Variants in AGO4 observed in about 807,000 individuals in gnomAD.
AGO4 encodes the protein argonaute RISC component 4.
A neutral mutation model predicts 104.7 loss-of-function variants in AGO4; 33 were observed. That is an observed-to-expected ratio of 0.32 (90% CI 0.24 to 0.42). The LOEUF (loss-of-function observed/expected upper bound fraction) is 0.42. Among genes scored for constraint, AGO4 ranks in the 10% least tolerant of loss-of-function variants. The pLI, the probability that AGO4 is intolerant of heterozygous loss-of-function variation, is 1.00. For missense variants in AGO4, 711 were observed against 1,083.4 expected (o/e 0.66, Z 4.83); for synonymous variants, 331 against 364.7 (o/e 0.91, Z 1.05).
intron 7 of AGO4, among the ~76,000 whole-genome samples, chr1:35,829,840 TAA>T (rs752406279): frequency 0.068 from 4,222 of 62,062 alleles, 111 homozygotes; most frequent in Middle Eastern, 0.11. Context: ...GACTACATCT[TAA>T]AAAAAAAAAA....
At position 35,808,095 on chromosome 1, in the gene AGO4, G is replaced by T; in HGVS notation, c.-322G>T. On this transcript the variant is annotated 5_prime_UTR_variant, in exon 1 of 18. Transcript: ENST00000373210. This position sits in a 1 kb window ranked among gnomAD's most constrained non-coding sequence, Gnocchi z 5.2. The stretch of plus-strand genomic sequence containing the variant: ...CGCGCACGCCCCCTCCGCCCGCCGG[G>T]ACCCTGGGTCCGCGCACCCCGCGCC... 1 of 149,384 alleles carries T rather than the reference G, an allele frequency of 6.7e-6. No homozygotes were observed. Among genetic ancestry groups the T allele is most frequent in the South Asian group, 1.8e-4 (1 of 5,514 alleles). The allele number at this position is 149,384 out of a possible 1,614,324, so 9.3% of individuals were successfully genotyped here.
chr1:35,842,073 T>C (rs1644460302), intron 15 of AGO4, among the ~76,000 whole-genome samples: 1 of 152,104 alleles, frequency 6.6e-6, no homozygotes. Flanking sequence ...GTGCTTTTGT[T>C]ATTTGTTACT....
chr1:35,825,471 C>A lies in AGO4; in HGVS notation c.465C>A (p.Ile155=). 6.2e-7 allele frequency: 1 copy of A among 1,614,112 alleles called. No homozygotes were observed. ...ACTCAGTACAAGCACTTGATGTTATCACAAGACACCTTCCCTCCATGAGGT... is the reference window on the plus strand; with the variant it reads ...ACTCAGTACAAGCACTTGATGTTATAACAAGACACCTTCCCTCCATGAGGT... The part of the protein sequence containing the change: ...PDDSVQALDV[I]TRHLPSMRYT... Residue 155 remains isoleucine, a synonymous_variant, in exon 4 of 18, where the codon ATC becomes ATA. Coordinates refer to ENST00000373210, the MANE Select transcript of AGO4 (RefSeq NM_017629.4).
intron 1 of AGO4, among the ~76,000 whole-genome samples, chr1:35,812,207 AAG>A (rs1443613484): frequency 6.7e-6 from 1 of 149,904 alleles, no homozygotes; most frequent in African/African-American, 2.5e-5. Context: ...AAAAAGAAAA[AAG>A]AAAAAAAAAA....
intron 13 of AGO4, 125 bp downstream of exon 13, chr1:35,836,118 A>G: frequency 9.8e-7 from 1 of 1,017,780 alleles, no homozygotes; most frequent in Non-Finnish European, 1.4e-6. Context: ...GCACCCATAT[A>G]CCCAATTCCC....
intron 17 of AGO4, among the ~76,000 whole-genome samples, chr1:35,851,616 C>G (rs1644703363): frequency 6.6e-6 from 1 of 152,198 alleles, no homozygotes; most frequent in Admixed American, 6.5e-5. Flanking sequence ...CATTAATTTT[C>G]TTTTCCAAAT....
intron 2 of AGO4, among the ~76,000 whole-genome samples, chr1:35,817,541 C>G (rs1643752032): frequency 2.0e-5 from 3 of 152,024 alleles, no homozygotes; most frequent in Non-Finnish European, 2.9e-5. Flanking sequence ...CTAGCATTAT[C>G]TAAGAGTGGT....
intron 2 of AGO4, 86 bp downstream of exon 2, chr1:35,817,133 A>G: frequency 7.5e-7 from 1 of 1,333,212 alleles, no homozygotes; most frequent in Non-Finnish European, 1.0e-6. Context: ...TTCATCCAAC[A>G]TGTAGGCTTT....
At chr1:35,818,704 A>AGG (rs56905201) in intron 2 of AGO4, among the ~76,000 whole-genome samples, 6 of 151,638 alleles carry the variant, frequency 4.0e-5, no homozygotes, top group African/African-American at 1.5e-4. Flanking sequence ...GAAGGAAGGA[A>AGG]AGAAACAAAC....
At chr1:35,840,839 T>A (rs920133838) in intron 13 of AGO4, among the ~76,000 whole-genome samples, 1 of 152,198 alleles carries the variant, frequency 6.6e-6, no homozygotes, top group Non-Finnish European at 1.5e-5. Flanking sequence ...GGCCTTGAAC[T>A]TCTGGGCTCA....
In AGO4 at chr1:35,853,678, C is replaced by T; in HGVS notation, c.*73C>T. 1 of 1,293,542 alleles carries T rather than the reference C, an allele frequency of 7.7e-7. No individual in the cohort carries two copies. The highest frequency in any genetic ancestry group is 1.1e-6 in the Non-Finnish European group (1 of 905,540). The allele number at this position is 1,293,542 out of a possible 1,614,324, so 80.1% of individuals were successfully genotyped here. On this transcript the variant is annotated 3_prime_UTR_variant, in exon 18 of 18. Transcript: ENST00000373210. ...AAAATGTTTCAAATGCCTACCGCCT[C>T]TAGATCGAGCCACGTTGACTTCAGG...
chr1:35,823,314 T>C (rs1394344399), intron 3 of AGO4, among the ~76,000 whole-genome samples: 1 of 151,932 alleles, frequency 6.6e-6, no homozygotes, highest in Admixed American at 6.6e-5. Flanking sequence ...ATGCAGTGGT[T>C]TGGTCTCCAC....
chr1:35,850,920 C>T lies in AGO4; in HGVS notation c.2344C>T (p.Gln782Ter), dbSNP rs916821340. 6.2e-7 allele frequency: 1 copy of T among 1,613,942 alleles called. No homozygotes were observed. Among genetic ancestry groups the T allele is most frequent in the African/African-American group, 1.3e-5 (1 of 74,870 alleles). The change falls in exon 17 of 18, where the codon CAG (glutamine) becomes TAG (stop). Residue 782 changes from glutamine (Q) to a stop codon, truncating the protein, a stop_gained. Coordinates refer to ENST00000373210, the MANE Select transcript of AGO4 (RefSeq NM_017629.4). LOFTEE classifies it high-confidence loss of function. ...CAACTGCTTCACTGCAGATGAACTCCAGCTACTGACTTACCAGCTGTGTCA... is the reference window on the plus strand; with the variant it reads ...CAACTGCTTCACTGCAGATGAACTCTAGCTACTGACTTACCAGCTGTGTCA... ...DDNCFTADELQLLTYQLCHTY... is the reference protein window; with the variant it reads ...DDNCFTADEL
intron 3 of AGO4, among the ~76,000 whole-genome samples, chr1:35,824,764 G>A (rs1455130845): frequency 6.6e-6 from 1 of 152,088 alleles, no homozygotes; most frequent in African/African-American, 2.4e-5. Flanking sequence ...TTGCACCACT[G>A]CACTCCAGCT....
intron 4 of AGO4, 30 bp from the exon 5 acceptor site, chr1:35,825,649 T>C: frequency 1.3e-6 from 2 of 1,529,930 alleles, no homozygotes; most frequent in South Asian, 1.3e-5. Flanking sequence ...ACATGTTTAA[T>C]GTGACACATG....
At chr1:35,814,163 G>T (rs895769221) in intron 1 of AGO4, among the ~76,000 whole-genome samples, 8 of 151,366 alleles carry the variant, frequency 5.3e-5, no homozygotes, top group Non-Finnish European at 1.0e-4. Context: ...GGGAAGGAAG[G>T]AGAGAGAAAG....
rs762527784 is a variant in AGO4, at chr1:35,853,465, C to CTTTGT, written c.2478-18_2478-14dup. 117 of 1,544,288 alleles carry CTTTGT rather than the reference C, an allele frequency of 7.6e-5. 1 individual carries two copies. Among genetic ancestry groups the CTTTGT allele is most frequent in the Middle Eastern group, 1.7e-4 (1 of 5,744 alleles). Reference sequence around the variant, plus strand: ...TTTGGTTTTTTGTTTGTTTGTTTTGCTTTGTTTTGTTTTGTTTTATTCTCT... The same window carrying CTTTGT: ...TTTGGTTTTTTGTTTGTTTGTTTTGCTTTGTTTTGTTTTGTTTTGTTTTATTCTCT... On this transcript the variant is annotated intron_variant, in intron 17 of 17. Coordinates refer to ENST00000373210, the MANE Select transcript of AGO4 (RefSeq NM_017629.4).
At chr1:35,843,569 C>G (rs963348887) in intron 15 of AGO4, among the ~76,000 whole-genome samples, 2 of 152,060 alleles carry the variant, frequency 1.3e-5, no homozygotes, top group African/African-American at 4.8e-5. Context: ...TATAAGAAAT[C>G]TGTACCTGTG....
At chr1:35,847,599 T>A (rs2148685366) in intron 15 of AGO4, among the ~76,000 whole-genome samples, 1 of 152,324 alleles carries the variant, frequency 6.6e-6, no homozygotes, top group Non-Finnish European at 1.5e-5. Flanking sequence ...TGGACAAGCT[T>A]GCTTTAAAAG....
Sources: gnomAD v4.1 joint callset for allele counts (sites outside exome capture counted in the v4.1 genomes callset) on GRCh38, gnomAD v4.1.1 for gene constraint, Gnocchi (gnomAD v3.1) non-coding constraint, MANE v1.5 for transcripts, NCBI Gene and HGNC (gene_info 2026-07-23, HGNC 2026-07-21) for gene names.